Variants in NPRL3 observed in about 807,000 individuals in gnomAD.
The protein encoded by NPRL3 is NPR3 like, GATOR1 complex subunit.
NPRL3 carries 23 observed loss-of-function variants against 57.2 expected under a neutral mutation model. The ratio of observed to expected loss-of-function variants is 0.40; its 90% CI spans 0.29 to 0.57. NPRL3 has a LOEUF of 0.57. Ranked by LOEUF, NPRL3 falls within the 20% of genes least tolerant of loss-of-function variation. The pLI, the probability that NPRL3 is intolerant of heterozygous loss-of-function variation, is 0.42. For missense variants in NPRL3, 691 were observed against 767.1 expected (o/e 0.90, Z 1.17); for synonymous variants, 333 against 321.1 (o/e 1.04, Z -0.39).
At chr16:102,848 C>G in intron 7 of NPRL3, among the ~76,000 whole-genome samples, 1 of 152,210 alleles carries the variant, frequency 6.6e-6, no homozygotes, top group South Asian at 2.1e-4. Context: ...TGCATGCTAA[C>G]CAAGTATGTC....
chr16:110,309 CA>C lies in NPRL3; in HGVS notation c.629+215del, dbSNP rs11316789. Among the ~76,000 whole-genome samples the C allele has an allele frequency of 0.41, 61,618 of 150,978 alleles. 12,956 individuals are homozygous for C. Among genetic ancestry groups the C allele is most frequent in the Non-Finnish European group, 0.45 (30,275 of 67,722 alleles). On this transcript the variant is annotated intron_variant, in intron 7 of 13. Coordinates refer to ENST00000611875, the MANE Select transcript of NPRL3 (RefSeq NM_001077350.3). Reference sequence around the variant, plus strand: ...AATAGAAATAGAAATAAAAAATAAACAAAAAAAAACGGCCACCAAGGTCACT... The same window carrying C: ...AATAGAAATAGAAATAAAAAATAAACAAAAAAAACGGCCACCAAGGTCACT...
chr16:87,349 C>T (rs1440470641), intron 13 of NPRL3, among the ~76,000 whole-genome samples: 2 of 151,900 alleles, frequency 1.3e-5, no homozygotes, highest in African/African-American at 4.8e-5. Context: ...TCTCCTGCGT[C>T]AGCTTCCCAG....
Position 92,648 on chromosome 16 carries a change from A to C in NPRL3, c.1109T>G (p.Leu370Trp), listed in dbSNP as rs1898810577. The C allele has an allele frequency of 6.2e-7, 1 of 1,613,844 alleles. No homozygotes were observed. Among genetic ancestry groups the C allele is most frequent in the Non-Finnish European group, 8.5e-7 (1 of 1,179,824 alleles). The change falls in exon 11 of 14, where the codon TTG becomes TGG. Residue 370 changes from leucine to tryptophan, a missense_variant. Physicochemically the swap from Leu to Trp is moderately conservative, Grantham distance 61. Transcript: ENST00000611875. ...DLPSVLAKFS[L>W]PVSLSEFRNP... The stretch of plus-strand genomic sequence containing the variant: ...CCTAAATTCTGACAAGGAGACCGGC[A>C]AGGAGAACTTGGCAAGAACGGACGG...
intron 5 of NPRL3, among the ~76,000 whole-genome samples, chr16:114,193 G>A (rs1293593887): frequency 1.3e-5 from 2 of 152,152 alleles, no homozygotes; most frequent in East Asian, 3.8e-4. Flanking sequence ...GGATGTCCAG[G>A]GCCCATATGC....
intron 3 of NPRL3, among the ~76,000 whole-genome samples, chr16:128,250 G>A (rs1900632479): frequency 6.6e-6 from 1 of 152,210 alleles, no homozygotes; most frequent in South Asian, 2.1e-4. Context: ...CTCCCAAAGT[G>A]CTTGGATTAC....
intron 12 of NPRL3, 120 bp from the exon 13 acceptor site, chr16:89,010 C>T: frequency 2.3e-6 from 2 of 863,682 alleles, no homozygotes; most frequent in Non-Finnish European, 3.6e-6. Context: ...GGTTAGGGTA[C>T]ATCTGCCTGC....
chr16:91,837 T>C lies in NPRL3; in HGVS notation c.1161+759A>G, dbSNP rs897735987. 2.0e-5 allele frequency among the ~76,000 whole-genome samples: 3 copies of C among 152,228 alleles called. No individual in the cohort carries two copies. In the East Asian group the frequency reaches 5.8e-4, roughly 29 times the overall value. ...CCCAGCTCGTCTGTCTCCAACACCG[T>C]ATCCTATCTGGCCCTGCTCTGAGTC... On this transcript the variant is annotated intron_variant, in intron 11 of 13. Coordinates refer to ENST00000611875, the MANE Select transcript of NPRL3 (RefSeq NM_001077350.3).
Position 130,517 on chromosome 16 carries a change from T to C in NPRL3, c.188+5A>G, listed in dbSNP as rs777249248. The C allele has an allele frequency of 1.0e-5, 16 of 1,550,352 alleles. No homozygotes were observed. Among genetic ancestry groups the C allele is most frequent in the Non-Finnish European group, 1.4e-5 (16 of 1,147,268 alleles). ...CCCGCCCTGAAGTGGCCGCAGAGCCTTTACCTGGAATCGCCGTCCTGCTCA... is the reference window on the plus strand; with the variant it reads ...CCCGCCCTGAAGTGGCCGCAGAGCCCTTACCTGGAATCGCCGTCCTGCTCA... On this transcript the variant is annotated splice_donor_5th_base_variant and intron_variant, in intron 3 of 13. Coordinates refer to ENST00000611875, the MANE Select transcript of NPRL3 (RefSeq NM_001077350.3).
chr16:90,638 G>A (rs1461295053), intron 11 of NPRL3: 1 of 152,360 alleles, frequency 6.6e-6, no homozygotes, highest in African/African-American at 2.4e-5. Context: ...GAACAGTAAG[G>A]AGTGTGAGAC....
chr16:112,731 G>C lies in NPRL3; in HGVS notation c.438C>G (p.Ser146=). 1 of 1,612,138 alleles carries C rather than the reference G, an allele frequency of 6.2e-7. No individual in the cohort carries two copies. The highest frequency in any genetic ancestry group is 8.5e-7 in the Non-Finnish European group (1 of 1,178,786). ...PSVINCLHNL[S]RRIATVLQHE... ...GCTGCAGCACGGTGGCGATACGACGGGACAGGTTATGCAGACAGTTTATCA... is the reference window on the plus strand; with the variant it reads ...GCTGCAGCACGGTGGCGATACGACGCGACAGGTTATGCAGACAGTTTATCA... Residue 146 remains serine (S), a synonymous_variant, in exon 6 of 14, where the codon TCC becomes TCG. Coordinates refer to ENST00000611875, the MANE Select transcript of NPRL3 (RefSeq NM_001077350.3).
chr16:95,285 G>C (rs772352781), intron 9 of NPRL3, among the ~76,000 whole-genome samples: 2 of 147,196 alleles, frequency 1.4e-5, no homozygotes, highest in Non-Finnish European at 3.0e-5. Flanking sequence ...TATACAGCAC[G>C]ATCCTAATTT....
At chr16:108,227 G>A (rs1050674217) in intron 7 of NPRL3, among the ~76,000 whole-genome samples, 1 of 152,190 alleles carries the variant, frequency 6.6e-6, no homozygotes, top group African/African-American at 2.4e-5. Flanking sequence ...ATAGAAGAAT[G>A]AACAAGGGAT....
chr16:131,382 G>GGATTGTGCTACT (rs1555445477), intron 2 of NPRL3, among the ~76,000 whole-genome samples: 7 of 145,366 alleles, frequency 4.8e-5, no homozygotes, highest in African/African-American at 1.7e-4. Context: ...TGGAGGGTGA[G>GGATTGTGCTACT]GCAAGAGAAT....
In NPRL3 at chr16:118,014, G is replaced by A. The variant is rs553126574; in HGVS notation, c.319-639C>T. ...CCACTCCTGTCTACAGGGTGTGACC[G>A]CGGGCAGGCTGCCAACTCTCCCCTT... is the stretch of plus-strand genomic sequence containing the variant. On this transcript the variant is annotated intron_variant, in intron 4 of 13. Coordinates refer to ENST00000611875, the MANE Select transcript of NPRL3 (RefSeq NM_001077350.3). Among the ~76,000 whole-genome samples, 16 of 152,330 alleles carry A rather than the reference G, an allele frequency of 1.1e-4. No individual in the cohort carries two copies. The Middle Eastern group carries it at 0.01, about 97-fold the overall frequency.
intron 2 of NPRL3, among the ~76,000 whole-genome samples, chr16:136,465 G>A (rs1000375825): frequency 1.3e-5 from 2 of 151,910 alleles, no homozygotes; most frequent in East Asian, 1.9e-4. Flanking sequence ...CAAGGCGGGC[G>A]GATCACAAGG....
chr16:120,777 G>A (rs543360369), intron 3 of NPRL3, among the ~76,000 whole-genome samples: 4 of 152,278 alleles, frequency 2.6e-5, no homozygotes, highest in Admixed American at 2.6e-4. Flanking sequence ...AGAGATGGAG[G>A]ATTCAAGTGC....
intron 6 of NPRL3, among the ~76,000 whole-genome samples, chr16:112,244 A>G (rs921846969): frequency 1.3e-5 from 2 of 152,218 alleles, no homozygotes; most frequent in African/African-American, 4.8e-5. Context: ...TCTGGTCGGG[A>G]AATCTATTTC....
chr16:127,235 ATTTT>A (rs35559832), intron 3 of NPRL3: 35 of 99,824 alleles, frequency 3.5e-4, no homozygotes, highest in East Asian at 5.9e-4. Flanking sequence ...GCACTGTCCA[ATTTT>A]TTTTTTTTTT....
chr16:135,672 T>C (rs1901043676), intron 2 of NPRL3, among the ~76,000 whole-genome samples: 1 of 151,642 alleles, frequency 6.6e-6, no homozygotes, highest in Admixed American at 6.6e-5. Context: ...TTTTTTATTG[T>C]TGTTGTTAAT....
Sources: gnomAD v4.1 joint callset for allele counts (sites outside exome capture counted in the v4.1 genomes callset) on GRCh38, gnomAD v4.1.1 for gene constraint, MANE v1.5 for transcripts, NCBI Gene and HGNC (gene_info 2026-07-23, HGNC 2026-07-21) for gene names.